Variants in NECTIN3 observed in about 807,000 individuals in gnomAD.
NECTIN3 encodes nectin cell adhesion molecule 3, also known as nectin-3.
Under a neutral mutation model 49.4 loss-of-function variants are expected in NECTIN3, and 8 were observed. The observed-to-expected ratio is 0.16, with a 90% CI of 0.10 to 0.29. NECTIN3 has a LOEUF of 0.29. Among genes scored for constraint, NECTIN3 ranks in the 10% least tolerant of loss-of-function variants. The probability of loss-of-function intolerance (pLI) is 1.00; values close to 1 mark genes in which losing one functional copy is unlikely to be tolerated. For synonymous variants in NECTIN3, 277 were observed against 241.1 expected, an observed-to-expected ratio of 1.15 and a Z score of -1.38; for missense variants, 581 against 654.6, an observed-to-expected ratio of 0.89 and a Z score of 1.23.
chr3:111,135,963 T>A lies in NECTIN3; in HGVS notation c.*1748T>A. 2.1e-6 allele frequency: 2 copies of A among 942,490 alleles called. No individual in the cohort carries two copies. Among genetic ancestry groups the A allele is most frequent in the Non-Finnish European group, 2.5e-6 (2 of 791,408 alleles). 58.4% of individuals were successfully genotyped at this position (942,490 alleles called of 1,614,324 possible). A position where few individuals can be genotyped will look rare whatever the true frequency, so the allele number is the denominator to read the frequency against. On this transcript the variant is annotated 3_prime_UTR_variant, in exon 6 of 6. Transcript: ENST00000485303. ...TTATATCTTCTTACAAATGTCTGGG[T>A]TTTAATATGGTTAATCACTTATATA...
chr3:111,185,353 A>G (rs558536016), intron 7 of NECTIN3, among the ~76,000 whole-genome samples: 1 of 152,194 alleles, frequency 6.6e-6, no homozygotes, highest in East Asian at 1.9e-4. Context: ...TATTTTGTGT[A>G]TATGTATTTT....
intron 7 of NECTIN3, among the ~76,000 whole-genome samples, chr3:111,149,459 A>ATGTGTGTG (rs56219611): frequency 0.012 from 1,597 of 128,356 alleles, 32 homozygotes; most frequent in African/African-American, 0.026. Flanking sequence ...TTCTGGTAGG[A>ATGTGTGTG]TGTGTGTGTG....
chr3:111,087,974 A>G (rs1262763027), intron 1 of NECTIN3, among the ~76,000 whole-genome samples: 6 of 152,096 alleles, frequency 3.9e-5, no homozygotes, highest in Admixed American at 3.9e-4. Context: ...TTGGGATTAT[A>G]GGTGTGAGCC....
intron 7 of NECTIN3, among the ~76,000 whole-genome samples, chr3:111,168,731 A>G (rs1357539986): frequency 3.9e-5 from 6 of 152,190 alleles, no homozygotes; most frequent in Non-Finnish European, 8.8e-5. Context: ...GGGCAAAGGA[A>G]AGTTCAGAGA....
intron 7 of NECTIN3, among the ~76,000 whole-genome samples, chr3:111,173,610 T>C (rs945655943): frequency 3.3e-5 from 5 of 152,198 alleles, no homozygotes; most frequent in African/African-American, 1.2e-4. Context: ...TATTCCTTTC[T>C]CCTTCTATTG....
At chr3:111,075,408 C>CT (rs1243058038) in intron 1 of NECTIN3, among the ~76,000 whole-genome samples, 1 of 152,012 alleles carries the variant, frequency 6.6e-6, no homozygotes, top group Non-Finnish European at 1.5e-5. Flanking sequence ...ACCTTGGAAA[C>CT]TTGAAGTTTC....
At chr3:111,132,163 G>A (rs1242122626) in intron 5 of NECTIN3, among the ~76,000 whole-genome samples, 5 of 151,706 alleles carry the variant, frequency 3.3e-5, no homozygotes, top group Admixed American at 2.6e-4. Context: ...TTCCATTAGT[G>A]AATGTTTTCA....
chr3:111,089,430 T>C (rs1228639912), intron 1 of NECTIN3, among the ~76,000 whole-genome samples: 1 of 142,950 alleles, frequency 7.0e-6, no homozygotes, highest in Admixed American at 7.4e-5. Flanking sequence ...TGTGTGTGTG[T>C]ATGTATATAA....
chr3:111,121,005 T>C (rs545133268), intron 3 of NECTIN3, among the ~76,000 whole-genome samples: 86 of 144,948 alleles, frequency 5.9e-4, no homozygotes, highest in East Asian at 1.6e-3. Context: ...TTCTTTCTTT[T>C]TTTTTTTTTT....
chr3:111,074,711 T>A (rs78858830), intron 1 of NECTIN3, among the ~76,000 whole-genome samples: 1 of 152,050 alleles, frequency 6.6e-6, no homozygotes, highest in Non-Finnish European at 1.5e-5. Flanking sequence ...ATTTTTTTTT[T>A]GTTTTTAAGC....
intron 7 of NECTIN3, among the ~76,000 whole-genome samples, chr3:111,178,918 G>A (rs2035579639): frequency 6.6e-6 from 1 of 152,214 alleles, no homozygotes; most frequent in African/African-American, 2.4e-5. Flanking sequence ...TATGGGGACA[G>A]TGATATTGCC....
intron 1 of NECTIN3, among the ~76,000 whole-genome samples, chr3:111,097,419 G>A (rs987010429): frequency 6.6e-6 from 1 of 152,158 alleles, no homozygotes; most frequent in Non-Finnish European, 1.5e-5. Flanking sequence ...ATGCTGAAAT[G>A]AGTTAAGGCT....
intron 1 of NECTIN3, among the ~76,000 whole-genome samples, chr3:111,079,841 C>T (rs1024068424): frequency 2.0e-5 from 3 of 151,970 alleles, no homozygotes; most frequent in African/African-American, 7.2e-5. Context: ...ATAGTAGCTT[C>T]CCCATTCCTA....
At chr3:111,108,936 C>T (rs1384616756) in intron 1 of NECTIN3, among the ~76,000 whole-genome samples, 1 of 152,112 alleles carries the variant, frequency 6.6e-6, no homozygotes, top group African/African-American at 2.4e-5. Context: ...ACAAAACATC[C>T]AAACCATTGC....
rs1576151814 is a variant in NECTIN3 at position 111,135,795 on chromosome 3, C to T, written c.*1580C>T. The stretch of plus-strand genomic sequence containing the variant: ...TCTTGCAAATAGTGAAAGCTTTATT[C>T]TGAAGGATTATAAACTAGTTTTCTT... On this transcript the variant is annotated 3_prime_UTR_variant, in exon 6 of 6. Transcript: ENST00000485303. The T allele has an allele frequency of 2.1e-6, 2 of 952,552 alleles. No individual in the cohort carries two copies. Among genetic ancestry groups the T allele is most frequent in the East Asian group, 2.3e-4 (2 of 8,650 alleles). 59.0% of individuals were successfully genotyped at this position (952,552 alleles called of 1,614,324 possible).
At chr3:111,100,172 T>A (rs2032820627) in intron 1 of NECTIN3, among the ~76,000 whole-genome samples, 1 of 152,130 alleles carries the variant, frequency 6.6e-6, no homozygotes, top group South Asian at 2.1e-4. Flanking sequence ...AAGTTTGAGA[T>A]TTTTGGATTA....
chr3:111,139,589 C>T (rs887152610), downstream of NECTIN3, among the ~76,000 whole-genome samples: 3 of 151,696 alleles, frequency 2.0e-5, no homozygotes, highest in Admixed American at 6.6e-5. Context: ...TATTAGCTGC[C>T]ATTTGGTGCT....
chr3:111,174,867 AG>A (rs1302969823), intron 7 of NECTIN3, among the ~76,000 whole-genome samples: 1 of 152,138 alleles, frequency 6.6e-6, no homozygotes, highest in Non-Finnish European at 1.5e-5. Context: ...CCTTTCTGCA[AG>A]GGCAGAAGGC....
At chr3:111,103,454 T>C (rs1576103539) in intron 1 of NECTIN3, among the ~76,000 whole-genome samples, 1 of 123,920 alleles carries the variant, frequency 8.1e-6, no homozygotes, top group Admixed American at 8.8e-5. Context: ...AGTGATTGAC[T>C]TTTTTTTTTT....
Sources: gnomAD v4.1 joint callset for allele counts (sites outside exome capture counted in the v4.1 genomes callset) on GRCh38, gnomAD v4.1.1 for gene constraint, MANE v1.5 for transcripts, NCBI Gene and HGNC (gene_info 2026-07-23, HGNC 2026-07-21) for gene names.